The following IL1RAPL1 variants were observed in gnomAD, a reference collection of about 807,000 sequenced individuals.
IL1RAPL1 encodes the protein interleukin 1 receptor accessory protein like 1.
In IL1RAPL1, 3 loss-of-function variants were observed where a neutral mutation model predicts 48.4. The observed-to-expected ratio is 0.06, with a 90% CI of 0.03 to 0.16. IL1RAPL1 has a LOEUF of 0.16. Ranked by LOEUF, IL1RAPL1 falls within the 10% of genes least tolerant of loss-of-function variation. The probability of loss-of-function intolerance (pLI) is 1.00; values close to 1 mark genes in which losing one functional copy is unlikely to be tolerated. For synonymous variants in IL1RAPL1, 185 were observed against 187.7 expected (o/e 0.99, Z 0.12); for missense variants, 349 against 530.6 (o/e 0.66, Z 3.36).
At chrX:28,845,701 A>T (rs1292852174) in intron 2 of IL1RAPL1, among the ~76,000 whole-genome samples, 1 of 111,901 alleles carries the variant, frequency 8.9e-6, no homozygotes, top group African/African-American at 3.2e-5. Context: ...AAATCAGGGG[A>T]TTCTATTGTA....
Position 28,737,052 on chromosome X carries a change from CTTTT to C in IL1RAPL1, c.-24-52267_-24-52264del, listed in dbSNP as rs1569161657. ...TGCTCAGCCCTGAATATTTCCTTTT[CTTTT>C]CTTTTCTTTTCTTTTCTTTTCTTTT... On this transcript the variant is annotated intron_variant, in intron 1 of 10. Coordinates refer to ENST00000378993, the MANE Select transcript of IL1RAPL1 (RefSeq NM_014271.4). Among the ~76,000 whole-genome samples the C allele has an allele frequency of 0.015, 275 of 18,613 alleles. 3 individuals carry two copies. In the East Asian group the frequency reaches 0.37, roughly 25 times the overall value. 16.2% of individuals were successfully genotyped at this position (18,613 alleles called of 115,157 possible). A position where few individuals can be genotyped will look rare whatever the true frequency, so the allele number is the denominator to read the frequency against.
At chrX:29,753,504 A>C (rs1464898253) in intron 6 of IL1RAPL1, among the ~76,000 whole-genome samples, 3 of 112,175 alleles carry the variant, frequency 2.7e-5, no homozygotes, top group Non-Finnish European at 5.6e-5. Context: ...ACAACCTATA[A>C]TATTTAGCTA....
chrX:29,581,619 G>A (rs1275604908), intron 5 of IL1RAPL1, among the ~76,000 whole-genome samples: 2 of 111,646 alleles, frequency 1.8e-5, no homozygotes, highest in Non-Finnish European at 1.9e-5. Flanking sequence ...ATGTCCTTCC[G>A]AAATCTTCCC....
chrX:29,150,570 T>G (rs764723827), intron 2 of IL1RAPL1, among the ~76,000 whole-genome samples: 72 of 110,744 alleles, frequency 6.5e-4, no homozygotes, highest in African/African-American at 2.2e-3. Context: ...TGAGGGTACA[T>G]AATCATAATG....
rs762918998 is a variant in IL1RAPL1 at position 29,319,364 on chromosome X, A to ATTTTTTTTTTTT, written c.362+36156_362+36167dup. Among the ~76,000 whole-genome samples the ATTTTTTTTTTTT allele has an allele frequency of 8.1e-4, 47 of 58,148 alleles. 7 individuals are homozygous for ATTTTTTTTTTTT. Among genetic ancestry groups the ATTTTTTTTTTTT allele is most frequent in the African/African-American group, 2.7e-3 (37 of 13,683 alleles). 50.5% of individuals were successfully genotyped at this position (58,148 alleles called of 115,157 possible). Reference sequence around the variant, plus strand: ...ACCCCACTGCATGTAGATAAATTTAATTTTTTTTTTTTTTTTTTTTGTAGA... The same window carrying ATTTTTTTTTTTT: ...ACCCCACTGCATGTAGATAAATTTAATTTTTTTTTTTTTTTTTTTTTTTTTTTTTTTTGTAGA... On this transcript the variant is annotated intron_variant, in intron 3 of 10. Coordinates refer to ENST00000378993, the MANE Select transcript of IL1RAPL1 (RefSeq NM_014271.4).
At chrX:29,399,617 A>G (rs1414710977) in intron 5 of IL1RAPL1, among the ~76,000 whole-genome samples, 1 of 111,002 alleles carries the variant, frequency 9.0e-6, no homozygotes, top group Admixed American at 9.6e-5. Context: ...TCAGGGGTTC[A>G]GGACCAGCCT....
chrX:29,715,620 A>G (rs1411028061), intron 6 of IL1RAPL1, among the ~76,000 whole-genome samples: 1 of 111,455 alleles, frequency 9.0e-6, no homozygotes, highest in African/African-American at 3.3e-5. Context: ...CACCATCAGT[A>G]ATGATATTCT....
chrX:28,754,926 C>T, intron 1 of IL1RAPL1, among the ~76,000 whole-genome samples: 1 of 112,245 alleles, frequency 8.9e-6, no homozygotes, highest in East Asian at 2.8e-4. Flanking sequence ...TCTTTGATTA[C>T]ATATTTTCCA....
chrX:29,769,478 C>G (rs991717517), intron 6 of IL1RAPL1, among the ~76,000 whole-genome samples: 1 of 68,160 alleles, frequency 1.5e-5, no homozygotes, highest in African/African-American at 6.4e-5. Flanking sequence ...GAGTCTCACT[C>G]TGTTGCCCAG....
intron 3 of IL1RAPL1, among the ~76,000 whole-genome samples, chrX:29,331,940 T>C (rs953605307): frequency 1.8e-5 from 2 of 110,419 alleles, no homozygotes; most frequent in Non-Finnish European, 1.9e-5. Context: ...TTATAAGAAA[T>C]CACATATGTA....
chrX:28,660,145 G>C (rs1234702041), intron 1 of IL1RAPL1, among the ~76,000 whole-genome samples: 1 of 102,332 alleles, frequency 9.8e-6, no homozygotes, highest in Non-Finnish European at 2.0e-5. Context: ...GTGTGTTGGA[G>C]TTACTGGGTT....
intron 6 of IL1RAPL1, among the ~76,000 whole-genome samples, chrX:29,882,241 A>C (rs1368294696): frequency 1.1e-4 from 12 of 111,715 alleles, no homozygotes. Flanking sequence ...TTTTCTCTGC[A>C]CTATGACACT....
intron 2 of IL1RAPL1, among the ~76,000 whole-genome samples, chrX:29,025,999 T>C (rs759688410): frequency 1.8e-5 from 2 of 111,736 alleles, no homozygotes; most frequent in Non-Finnish European, 3.8e-5. Context: ...GTGATAAATA[T>C]CTGTTGAAGT....
At chrX:29,833,000 A>C (rs1465289134) in intron 6 of IL1RAPL1, among the ~76,000 whole-genome samples, 1 of 111,356 alleles carries the variant, frequency 9.0e-6, no homozygotes, top group Non-Finnish European at 1.9e-5. Flanking sequence ...ATGAAGTAGA[A>C]CACAAGAAGG....
At chrX:29,285,839 G>A (rs1932276155) in intron 3 of IL1RAPL1, among the ~76,000 whole-genome samples, 1 of 111,448 alleles carries the variant, frequency 9.0e-6, no homozygotes, top group Non-Finnish European at 1.9e-5. Flanking sequence ...TTTACAAACA[G>A]CATTTGAAAT....
intron 5 of IL1RAPL1, among the ~76,000 whole-genome samples, chrX:29,599,539 CT>C: frequency 8.9e-6 from 1 of 111,983 alleles, no homozygotes; most frequent in East Asian, 2.8e-4. Context: ...GTTCTTTGAG[CT>C]TCTTGTATTT....
chrX:28,846,423 C>T (rs1358071463), intron 2 of IL1RAPL1, among the ~76,000 whole-genome samples: 1 of 111,812 alleles, frequency 8.9e-6, no homozygotes. Flanking sequence ...ACAGTTCCAA[C>T]TCCTTTGGGT....
intron 5 of IL1RAPL1, among the ~76,000 whole-genome samples, chrX:29,436,408 A>G (rs1452546270): frequency 1.8e-5 from 2 of 110,525 alleles, no homozygotes; most frequent in Non-Finnish European, 3.8e-5. Flanking sequence ...CTTTGATTTT[A>G]CTAAGTACCG....
At chrX:29,852,840 A>G (rs956422885) in intron 6 of IL1RAPL1, among the ~76,000 whole-genome samples, 7 of 111,977 alleles carry the variant, frequency 6.3e-5, no homozygotes, top group African/African-American at 2.3e-4. Context: ...TGAGCAAGGC[A>G]ATCCTTTATG....
Sources: gnomAD v4.1 joint callset for allele counts (sites outside exome capture counted in the v4.1 genomes callset) on GRCh38, gnomAD v4.1.1 for gene constraint, MANE v1.5 for transcripts, NCBI Gene and HGNC (gene_info 2026-07-23, HGNC 2026-07-21) for gene names.